Variants in JAM2 observed in about 807,000 individuals in gnomAD.
JAM2 encodes the protein junctional adhesion molecule 2, also known as junctional adhesion molecule B.
Under a neutral mutation model 42.0 loss-of-function variants are expected in JAM2, and 17 were observed. The observed-to-expected ratio is 0.40, with a 90% CI of 0.28 to 0.61. The LOEUF is 0.61. Among genes scored for constraint, JAM2 ranks in the 20% least tolerant of loss-of-function variants. JAM2 has a pLI of 0.37. For missense variants in JAM2, 319 were observed against 358.3 expected (o/e 0.89, Z 0.89); for synonymous variants, 118 against 128.6 (o/e 0.92, Z 0.56).
At chr21:25,681,846 G>A (rs867788458) in intron 1 of JAM2, among the ~76,000 whole-genome samples, 30 of 152,232 alleles carry the variant, frequency 2.0e-4, no homozygotes, top group African/African-American at 5.8e-4. Flanking sequence ...GCCGGGCGTC[G>A]TGGCGGGCGC....
At chr21:25,696,426 G>A (rs1035814017) in intron 4 of JAM2, among the ~76,000 whole-genome samples, 3 of 152,084 alleles carry the variant, frequency 2.0e-5, no homozygotes, top group African/African-American at 7.2e-5. Flanking sequence ...GGGGGAGAGG[G>A]AGAGGGAGCC....
chr21:25,662,274 A>C (rs561179917), intron 1 of JAM2, among the ~76,000 whole-genome samples: 19 of 151,850 alleles, frequency 1.3e-4, no homozygotes, highest in Non-Finnish European at 2.6e-4. Flanking sequence ...CAGCCTCCCG[A>C]GTAGCTGAGA....
chr21:25,702,315 G>A (rs745778502), intron 6 of JAM2, 46 bp downstream of exon 6: 3 of 1,229,376 alleles, frequency 2.4e-6, no homozygotes, highest in African/African-American at 1.5e-5. Flanking sequence ...CAATTCGACT[G>A]TGAAGTACAG....
At chr21:25,693,312 C>T (rs1204437948) in intron 3 of JAM2, among the ~76,000 whole-genome samples, 1 of 150,728 alleles carries the variant, frequency 6.6e-6, no homozygotes, top group African/African-American at 2.4e-5. Context: ...GGTTGGAGTG[C>T]AGTGACACAA....
At chr21:25,681,449 C>T (rs2033629006) in intron 1 of JAM2, among the ~76,000 whole-genome samples, 1 of 152,036 alleles carries the variant, frequency 6.6e-6, no homozygotes, top group Admixed American at 6.6e-5. Flanking sequence ...GGAAAAGCCC[C>T]TTATAAAACC....
At chr21:25,639,926 C>G (rs1600978734) in intron 1 of JAM2, 38 bp downstream of exon 1, 1 of 1,429,872 alleles carries the variant, frequency 7.0e-7, no homozygotes, top group Non-Finnish European at 9.6e-7. Context: ...CCTGCCTGGA[C>G]CAGCCTGCCC....
chr21:25,662,405 C>T (rs1422740838), intron 1 of JAM2, among the ~76,000 whole-genome samples: 1 of 150,462 alleles, frequency 6.6e-6, no homozygotes, highest in Admixed American at 6.7e-5. Flanking sequence ...CAGCCTCAGC[C>T]TCCCAGAGTG....
chr21:25,654,373 G>T (rs1208347008), intron 1 of JAM2, among the ~76,000 whole-genome samples: 1 of 152,156 alleles, frequency 6.6e-6, no homozygotes, highest in African/African-American at 2.4e-5. Context: ...ACCAGGGCAG[G>T]TGCTGTGGCT....
intron 1 of JAM2, among the ~76,000 whole-genome samples, chr21:25,667,682 G>A (rs1443930532): frequency 6.6e-6 from 1 of 152,120 alleles, no homozygotes; most frequent in Non-Finnish European, 1.5e-5. Flanking sequence ...GGGGACTAGT[G>A]TGTTCCATTC....
intron 1 of JAM2, among the ~76,000 whole-genome samples, chr21:25,677,037 T>C (rs1196663441): frequency 6.6e-6 from 1 of 152,092 alleles, no homozygotes; most frequent in African/African-American, 2.4e-5. Flanking sequence ...TAAATAGAAT[T>C]AGAGGAAGAA....
At chr21:25,662,179 C>T (rs1568893942) in intron 1 of JAM2, among the ~76,000 whole-genome samples, 1 of 152,092 alleles carries the variant, frequency 6.6e-6, no homozygotes, top group African/African-American at 2.4e-5. Context: ...AGATGTCTCA[C>T]TCCTGTCACC....
At chr21:25,659,112 A>G (rs2033013666) in intron 1 of JAM2, among the ~76,000 whole-genome samples, 1 of 152,220 alleles carries the variant, frequency 6.6e-6, no homozygotes, top group South Asian at 2.1e-4. Flanking sequence ...TTCTGAAAAT[A>G]TTATTTAACT....
chr21:25,657,282 G>A (rs186273158), intron 1 of JAM2, among the ~76,000 whole-genome samples: 10 of 152,186 alleles, frequency 6.6e-5, no homozygotes, highest in Admixed American at 3.3e-4. Flanking sequence ...CCAAAGTGCT[G>A]GGATTACAGG....
Position 25,697,927 on chromosome 21 carries a change from GCACACACA to G in JAM2, c.395-732_395-725del, listed in dbSNP as rs35767783. Among the ~76,000 whole-genome samples, 13 of 146,154 alleles carry G rather than the reference GCACACACA, an allele frequency of 8.9e-5. 1 individual carries two copies. In the South Asian group the frequency reaches 1.3e-3, roughly 15 times the overall value. The stretch of plus-strand genomic sequence containing the variant: ...TGTCTCAAAAAAAAAAAATCTATCT[GCACACACA>G]CACACACACACACACACTCTCTCTC... On this transcript the variant is annotated intron_variant, in intron 4 of 9. Transcript: ENST00000480456.
intron 6 of JAM2, among the ~76,000 whole-genome samples, chr21:25,702,680 A>G (rs2034191404): frequency 6.6e-6 from 1 of 152,236 alleles, no homozygotes; most frequent in Non-Finnish European, 1.5e-5. Context: ...AGGTGTTGAC[A>G]TTTATAGTCA....
intron 8 of JAM2, chr21:25,710,098 CAGAG>C (rs1030590905): frequency 2.0e-4 from 31 of 152,134 alleles, no homozygotes; most frequent in African/African-American, 7.5e-4. Flanking sequence ...AATGGTAGTA[CAGAG>C]AGAATGATGA....
chr21:25,659,098 C>T lies in JAM2; in HGVS notation c.67+19210C>T, dbSNP rs569414227. ...AGCCATAAGCCTGTAATAAATATTT[C>T]ATGTTCTGAAAATATTATTTAACTA... On this transcript the variant is annotated intron_variant, in intron 1 of 9. Coordinates refer to ENST00000480456, the MANE Select transcript of JAM2 (RefSeq NM_021219.4). Among the ~76,000 whole-genome samples, 3 of 152,264 alleles carry T rather than the reference C, an allele frequency of 2.0e-5. No individual in the cohort carries two copies. The South Asian group carries it at 6.2e-4, about 32-fold the overall frequency.
At chr21:25,657,260 T>C (rs762673989) in intron 1 of JAM2, among the ~76,000 whole-genome samples, 5 of 152,308 alleles carry the variant, frequency 3.3e-5, no homozygotes, top group African/African-American at 4.8e-5. Context: ...GTGATGCTTC[T>C]GCCTCCAACT....
Position 25,715,691 on chromosome 21 carries a change from A to G in JAM2, c.*1019A>G, listed in dbSNP as rs986846023. On this transcript the variant is annotated 3_prime_UTR_variant, in exon 10 of 10. Transcript: ENST00000480456. ...CCCTGCATCTGGTACCCCTCTTGAA[A>G]CACAGTGGGCACATGAGCAATGGCT... 5.9e-5 allele frequency: 9 copies of G among 152,178 alleles called. No homozygotes were observed. Among genetic ancestry groups the G allele is most frequent in the African/African-American group, 1.7e-4 (7 of 41,454 alleles). 9.4% of individuals were successfully genotyped at this position (152,178 alleles called of 1,614,324 possible).
Sources: allele counts gnomAD v4.1 joint callset (sites outside exome capture counted in the v4.1 genomes callset), GRCh38; gene constraint gnomAD v4.1.1; transcripts MANE v1.5; gene names NCBI Gene and HGNC (gene_info 2026-07-23, HGNC 2026-07-21).